SNTG1: variants seen among roughly 807,000 people sequenced by gnomAD.
SNTG1 encodes gamma-1-syntrophin.
Under a neutral mutation model 74.7 loss-of-function variants are expected in SNTG1, and 39 were observed. That is an observed-to-expected ratio of 0.52 (90% CI 0.40 to 0.68). SNTG1 has a LOEUF of 0.68. Among genes scored for constraint, SNTG1 ranks in the 30% least tolerant of loss-of-function variants. The pLI is 0.00. For synonymous variants in SNTG1, 254 were observed against 217.1 expected (o/e 1.17, Z -1.49); for missense variants, 685 against 609.5 (o/e 1.12, Z -1.30).
intron 18 of SNTG1, among the ~76,000 whole-genome samples, chr8:50,758,658 G>C (rs1041903964): frequency 2.6e-5 from 4 of 151,840 alleles, no homozygotes; most frequent in Non-Finnish European, 5.9e-5. Flanking sequence ...GAACTCATCC[G>C]TTTTTATGGC....
chr8:50,424,422 T>C (rs1265965165), intron 4 of SNTG1, among the ~76,000 whole-genome samples: 7 of 152,232 alleles, frequency 4.6e-5, no homozygotes, highest in Non-Finnish European at 1.5e-5. Context: ...TAGCCACATA[T>C]ATACAGTTTC....
chr8:49,929,446 C>T (rs1030205032), intron 1 of SNTG1, among the ~76,000 whole-genome samples: 7 of 152,130 alleles, frequency 4.6e-5, no homozygotes, highest in African/African-American at 1.2e-4. Flanking sequence ...ATGGGTTCCC[C>T]GAAGAATGTC....
chr8:50,313,137 T>C (rs2090179056), intron 2 of SNTG1, among the ~76,000 whole-genome samples: 1 of 149,882 alleles, frequency 6.7e-6, no homozygotes, highest in Admixed American at 6.8e-5. Flanking sequence ...TGGACCCTTA[T>C]CTCACCCCAT....
intron 2 of SNTG1, among the ~76,000 whole-genome samples, chr8:50,237,262 C>T (rs1353595209): frequency 6.6e-6 from 1 of 152,004 alleles, no homozygotes; most frequent in Non-Finnish European, 1.5e-5. Context: ...GCTCTACTCT[C>T]TACTGTCTAT....
chr8:50,603,793 G>A (rs2094792602), intron 13 of SNTG1, among the ~76,000 whole-genome samples: 1 of 152,094 alleles, frequency 6.6e-6, no homozygotes, highest in Non-Finnish European at 1.5e-5. Context: ...AGACATTTTT[G>A]TTCTCTTCTC....
At chr8:50,319,198 T>A (rs899528868) in intron 2 of SNTG1, among the ~76,000 whole-genome samples, 1 of 152,112 alleles carries the variant, frequency 6.6e-6, no homozygotes, top group African/African-American at 2.4e-5. Flanking sequence ...AAATACATAC[T>A]TACAAAAGTA....
rs7357389 is a variant in SNTG1, at chr8:50,334,444, C to T, written c.-27-59768C>T. ...TTCAGCTTTCTCTGATGAGTTTCTC[C>T]CCTGTAATTGTCCTGTTCTGCATTG... is the stretch of plus-strand genomic sequence containing the variant. On this transcript the variant is annotated intron_variant, in intron 2 of 18. Transcript: ENST00000642720. Among the ~76,000 whole-genome samples, 906 of 152,064 alleles carry T rather than the reference C, an allele frequency of 6.0e-3. 7 individuals carry two copies. Among genetic ancestry groups the T allele is most frequent in the African/African-American group, 0.02 (849 of 41,476 alleles).
At position 50,281,648 on chromosome 8, in the gene SNTG1, AG is replaced by A. The variant is rs533177865; in HGVS notation, c.-28+109015del. 2.4e-4 allele frequency among the ~76,000 whole-genome samples: 37 copies of A among 152,346 alleles called. No homozygotes were observed. In the South Asian group the frequency reaches 6.8e-3, roughly 28 times the overall value. On this transcript the variant is annotated intron_variant, in intron 2 of 18. Transcript: ENST00000642720. ...TCCGAATCCAGTTTACTTTATGGAT[AG>A]GTAACAGTAGTTCAAGGACAATGAA...
At chr8:50,473,343 C>T (rs2093668375) in intron 8 of SNTG1, among the ~76,000 whole-genome samples, 1 of 152,144 alleles carries the variant, frequency 6.6e-6, no homozygotes, top group Admixed American at 6.6e-5. Context: ...CCATGCTGCA[C>T]TGTGAGTCAA....
At chr8:50,782,888 A>T (rs2095663983) in intron 18 of SNTG1, among the ~76,000 whole-genome samples, 1 of 151,830 alleles carries the variant, frequency 6.6e-6, no homozygotes, top group African/African-American at 2.4e-5. Context: ...TTTGGGGTGG[A>T]TGTCCTTTCT....
chr8:50,421,468 C>T (rs1158680764), intron 4 of SNTG1, among the ~76,000 whole-genome samples: 2 of 152,146 alleles, frequency 1.3e-5, no homozygotes, highest in South Asian at 4.1e-4. Context: ...GGCCACTCGT[C>T]ACCATTTTGT....
intron 1 of SNTG1, among the ~76,000 whole-genome samples, chr8:49,929,374 G>A (rs978520135): frequency 2.0e-5 from 3 of 152,216 alleles, no homozygotes; most frequent in East Asian, 1.9e-4. Flanking sequence ...CTTGCTAGGC[G>A]GAGAAGGCAA....
intron 1 of SNTG1, among the ~76,000 whole-genome samples, chr8:50,126,377 G>A (rs2081140245): frequency 6.6e-6 from 1 of 152,050 alleles, no homozygotes; most frequent in Non-Finnish European, 1.5e-5. Flanking sequence ...AGGTTTGAAT[G>A]CAAGGAAAAG....
chr8:50,434,512 A>C (rs1376811180), intron 4 of SNTG1, among the ~76,000 whole-genome samples: 1 of 152,132 alleles, frequency 6.6e-6, no homozygotes, highest in African/African-American at 2.4e-5. Context: ...CCAACAGTGT[A>C]AAAGTGGTCC....
rs756647274 is a variant in SNTG1, at chr8:50,530,258, C to G, written c.548C>G (p.Thr183Arg). The G allele has an allele frequency of 1.5e-5, 24 of 1,613,414 alleles. No homozygotes were observed. The highest frequency in any genetic ancestry group is 1.9e-5 in the Non-Finnish European group (23 of 1,179,580). The change falls in exon 10 of 19, where the codon ACA becomes AGA. Residue 183 changes from threonine (T) to arginine (R), a missense_variant and splice_region_variant. By Grantham distance (71) the Thr-to-Arg change is moderately conservative (BLOSUM62 -1). Transcript: ENST00000642720. ...CATCTCAACTACCATCCCAACAATA[C>G]AGTAAGATGACCCAGGCATAGCTCA... ...GLHLNYHPNN[T>R]DTLSCSSWPT... is the part of the protein sequence containing the mutation.
intron 17 of SNTG1, among the ~76,000 whole-genome samples, chr8:50,733,247 G>A (rs1044327534): frequency 6.6e-6 from 1 of 151,958 alleles, no homozygotes; most frequent in Admixed American, 6.6e-5. Context: ...CCATGCTGTT[G>A]CAAAGGGAAA....
At chr8:49,961,296 A>T (rs569404360) in intron 1 of SNTG1, among the ~76,000 whole-genome samples, 1 of 152,314 alleles carries the variant, frequency 6.6e-6, no homozygotes, top group East Asian at 1.9e-4. Flanking sequence ...AAACATGTTG[A>T]TAAGAATGTG....
At chr8:50,690,733 G>T (rs1273460743) in intron 15 of SNTG1, among the ~76,000 whole-genome samples, 3 of 152,182 alleles carry the variant, frequency 2.0e-5, no homozygotes, top group Non-Finnish European at 4.4e-5. Flanking sequence ...TGTTGATTTG[G>T]TGTGGCAAGT....
At chr8:50,622,913 C>T (rs2094932516) in intron 13 of SNTG1, among the ~76,000 whole-genome samples, 1 of 152,014 alleles carries the variant, frequency 6.6e-6, no homozygotes, top group Non-Finnish European at 1.5e-5. Context: ...AGATGAATTA[C>T]CGATGTTTTC....
Sources: allele counts gnomAD v4.1 joint callset (sites outside exome capture counted in the v4.1 genomes callset), GRCh38; gene constraint gnomAD v4.1.1; transcripts MANE v1.5; gene names NCBI Gene and HGNC (gene_info 2026-07-23, HGNC 2026-07-21).